The following PRUNE2 variants were observed in gnomAD, a reference collection of about 807,000 sequenced individuals.
PRUNE2 encodes protein prune homolog 2.
Under a neutral mutation model 252.0 loss-of-function variants are expected in PRUNE2, and 164 were observed. The ratio of observed to expected loss-of-function variants is 0.65; its 90% confidence interval spans 0.57 to 0.74. The LOEUF (loss-of-function observed/expected upper bound fraction) is 0.74. PRUNE2 is among the 30% of genes least tolerant of loss of function. The pLI is 0.00. For missense variants in PRUNE2, 3,495 were observed against 3,711.0 expected, an observed-to-expected ratio of 0.94 and a Z score of 1.51; for synonymous variants, 1,292 against 1,350.2, an observed-to-expected ratio of 0.96 and a Z score of 0.94.
chr9:76,833,357 G>C lies in PRUNE2; in HGVS notation c.509-6625C>G, dbSNP rs1035700012. ...GAAAAATCCTATGATCACCTAGATA[G>C]ACAGATATCAAGTAGTAAAACTACT... On this transcript the variant is annotated intron_variant, in intron 4 of 18. Transcript: ENST00000376718. Among the ~76,000 whole-genome samples the C allele has an allele frequency of 5.9e-5, 9 of 152,268 alleles. 1 individual carries two copies. The highest frequency in any genetic ancestry group is 4.6e-4 in the Admixed American group (7 of 15,298).
intron 9 of PRUNE2, among the ~76,000 whole-genome samples, chr9:76,674,341 C>T (rs886173605): frequency 2.6e-5 from 4 of 152,222 alleles, no homozygotes; most frequent in Non-Finnish European, 5.9e-5. Context: ...AGGAATCCAA[C>T]TTACAAGGGA....
chr9:76,631,737 A>G (rs1011578978), intron 15 of PRUNE2, among the ~76,000 whole-genome samples: 3 of 152,216 alleles, frequency 2.0e-5, no homozygotes, highest in African/African-American at 7.2e-5. Context: ...ACTGCATGTC[A>G]CAGTGGTTTG....
chr9:76,755,616 T>C (rs2130575614), intron 6 of PRUNE2, among the ~76,000 whole-genome samples: 1 of 152,284 alleles, frequency 6.6e-6, no homozygotes, highest in Admixed American at 6.5e-5. Flanking sequence ...CTTATTAAAA[T>C]GCAGATTCTG....
At chr9:76,855,082 A>AAAAAAAAAAAAAAAATATATATAT (rs1490285240) in intron 1 of PRUNE2, among the ~76,000 whole-genome samples, 2 of 109,434 alleles carry the variant, frequency 1.8e-5, no homozygotes, top group African/African-American at 7.7e-5. Context: ...AAAAAAAAAA[A>AAAAAAAAAAAAAAAATATATATAT]ATATATATAT....
chr9:76,672,140 G>T (rs1490721859), intron 9 of PRUNE2, among the ~76,000 whole-genome samples: 2 of 151,662 alleles, frequency 1.3e-5, no homozygotes, highest in African/African-American at 4.8e-5. Context: ...CCATCAGTGT[G>T]CTGTATTCAG....
intron 6 of PRUNE2, among the ~76,000 whole-genome samples, chr9:76,791,902 G>A (rs993170442): frequency 2.6e-5 from 4 of 152,200 alleles, no homozygotes; most frequent in Non-Finnish European, 4.4e-5. Context: ...TGGGAGAGAT[G>A]CTGGTAGGAC....
intron 15 of PRUNE2, among the ~76,000 whole-genome samples, chr9:76,630,772 C>T (rs76512366): frequency 3.7e-4 from 56 of 152,172 alleles, no homozygotes; most frequent in Non-Finnish European, 7.4e-4. Context: ...GTGATCTGCC[C>T]GCCTCAGCCT....
In PRUNE2 at chr9:76,703,715, C is replaced by T. The variant is rs2046082793; in HGVS notation, c.7898G>A (p.Trp2633Ter). ...AACCTCACTATGGCCCAAGAACATC[C>T]AACTCTGGTCTTGTGCAGGGCTTTC... ...SFESPAQDQS[W>*]MFLGHSEVGD... Residue 2633 changes from tryptophan to a stop codon, truncating the protein, a stop_gained, in exon 9 of 19, where the codon TGG becomes TAG. Coordinates refer to ENST00000376718, the MANE Select transcript of PRUNE2 (RefSeq NM_015225.3). LOFTEE classifies it high-confidence loss of function. 11 of 1,613,580 alleles carry T rather than the reference C, an allele frequency of 6.8e-6. No homozygotes were observed. Among genetic ancestry groups the T allele is most frequent in the Non-Finnish European group, 9.3e-6 (11 of 1,179,864 alleles).
At chr9:76,642,054 C>T in intron 12 of PRUNE2, 3 of 1,079,298 alleles carry the variant, frequency 2.8e-6, no homozygotes, top group Non-Finnish European at 3.9e-6. Flanking sequence ...GTTAAAATTA[C>T]TTGGCATTAT....
chr9:76,695,137 G>A (rs1161346058), intron 9 of PRUNE2, among the ~76,000 whole-genome samples: 2 of 152,150 alleles, frequency 1.3e-5, no homozygotes, highest in African/African-American at 2.4e-5. Context: ...CCAGGTTCAA[G>A]CAATTCTCCT....
At position 76,694,734 on chromosome 9, in the gene PRUNE2, T is replaced by G. The variant is rs537366743; in HGVS notation, c.8276+8603A>C. Among the ~76,000 whole-genome samples, 21 of 150,374 alleles carry G rather than the reference T, an allele frequency of 1.4e-4. No individual in the cohort carries two copies. In the East Asian group the frequency reaches 3.1e-3, roughly 22 times the overall value. Reference sequence around the variant, plus strand: ...GCTGGGCATTTGAGGAAATGCATTATTTTATTCATTATACAAAGGCAGTTA... The same window carrying G: ...GCTGGGCATTTGAGGAAATGCATTAGTTTATTCATTATACAAAGGCAGTTA... On this transcript the variant is annotated intron_variant, in intron 9 of 18. Coordinates refer to ENST00000376718, the MANE Select transcript of PRUNE2 (RefSeq NM_015225.3).
At chr9:76,846,447 C>G (rs945349274) in intron 4 of PRUNE2, 68 bp downstream of exon 4, 1 of 1,377,978 alleles carries the variant, frequency 7.3e-7, no homozygotes, top group African/African-American at 1.4e-5. Context: ...CGCATTCTTT[C>G]TACATGAGCA....
rs754457080 is a variant in PRUNE2, at chr9:76,708,055, A to AC, written c.4218dup (p.Ser1407ValfsTer8). On this transcript the variant is annotated frameshift_variant, in exon 8 of 19. Transcript: ENST00000376718. LOFTEE classifies it high-confidence loss of function. ...ACATCACGGGAGTCTAGATTGTAAG[A>AC]CCCCTCCTCATACTCTAAAACTTCC... 6.2e-7 allele frequency: 1 copy of AC among 1,613,772 alleles called. No homozygotes were observed. Among genetic ancestry groups the AC allele is most frequent in the South Asian group, 1.1e-5 (1 of 91,070 alleles).
intron 6 of PRUNE2, among the ~76,000 whole-genome samples, chr9:76,798,656 A>C (rs964002884): frequency 7.2e-5 from 11 of 152,182 alleles, no homozygotes; most frequent in Non-Finnish European, 1.2e-4. Flanking sequence ...AAATGCTAAA[A>C]ATTAAACAGT....
intron 6 of PRUNE2, among the ~76,000 whole-genome samples, chr9:76,792,648 T>G (rs965615418): frequency 6.6e-6 from 1 of 152,232 alleles, no homozygotes; most frequent in African/African-American, 2.4e-5. Context: ...AATGTACATT[T>G]TGTCCACTAC....
intron 6 of PRUNE2, among the ~76,000 whole-genome samples, chr9:76,749,134 T>C (rs1200028680): frequency 6.6e-6 from 1 of 152,202 alleles, no homozygotes; most frequent in Non-Finnish European, 1.5e-5. Flanking sequence ...GTCGGTTCCA[T>C]GTAGAAACTA....
intron 16 of PRUNE2, among the ~76,000 whole-genome samples, chr9:76,625,569 T>C (rs1403548817): frequency 6.6e-6 from 1 of 152,266 alleles, no homozygotes; most frequent in Non-Finnish European, 1.5e-5. Flanking sequence ...AATCAATGTT[T>C]ATAATTTATA....
intron 6 of PRUNE2, among the ~76,000 whole-genome samples, chr9:76,717,660 T>A (rs751891953): frequency 6.6e-6 from 1 of 151,986 alleles, no homozygotes; most frequent in Non-Finnish European, 1.5e-5. Context: ...TAAAAGCACT[T>A]CCTGTTGAAC....
At chr9:76,883,646 A>T (rs1203623020) in intron 1 of PRUNE2, among the ~76,000 whole-genome samples, 1 of 152,236 alleles carries the variant, frequency 6.6e-6, no homozygotes, top group Non-Finnish European at 1.5e-5. Flanking sequence ...GAGGAATTTC[A>T]GACACAAGGA....
Sources: gnomAD v4.1 joint callset for allele counts (sites outside exome capture counted in the v4.1 genomes callset) on GRCh38, gnomAD v4.1.1 for gene constraint, MANE v1.5 for transcripts, NCBI Gene and HGNC (gene_info 2026-07-23, HGNC 2026-07-21) for gene names.